GLIS3: variants seen among roughly 807,000 people sequenced by gnomAD.
GLIS3 encodes the protein zinc finger protein GLIS3.
A neutral mutation model predicts 78.6 loss-of-function variants in GLIS3; 53 were observed. The ratio of observed to expected loss-of-function variants is 0.67; its 90% CI spans 0.54 to 0.85. The LOEUF (loss-of-function observed/expected upper bound fraction) is 0.85, where lower values mean the gene tolerates loss of function less well. GLIS3 is among the 40% of genes least tolerant of loss of function. The pLI, the probability that GLIS3 is intolerant of heterozygous loss-of-function variation, is 0.00. For synonymous variants in GLIS3, 684 were observed against 509.9 expected, an observed-to-expected ratio of 1.34 and a Z score of -4.60; for missense variants, 1,703 against 1,231.1, an observed-to-expected ratio of 1.38 and a Z score of -5.74.
At chr9:4,059,868 A>AGAGAC (rs1826498130) in intron 4 of GLIS3, among the ~76,000 whole-genome samples, 1 of 102,058 alleles carries the variant, frequency 9.8e-6, no homozygotes, top group African/African-American at 3.8e-5. Context: ...GAGAGAGAGA[A>AGAGAC]AGAGAGAGAC....
chr9:4,010,513 A>C (rs72685692), intron 4 of GLIS3, among the ~76,000 whole-genome samples: 20,669 of 152,020 alleles, frequency 0.14, 1,498 homozygotes, highest in East Asian at 0.18. Context: ...CTGTGTACAA[A>C]TTGGAAAGCA....
At chr9:3,905,270 A>AC (rs1218991226) in intron 6 of GLIS3, among the ~76,000 whole-genome samples, 1 of 150,202 alleles carries the variant, frequency 6.7e-6, no homozygotes, top group Non-Finnish European at 1.5e-5. Flanking sequence ...GATTACAGGC[A>AC]TGAGCCACTG....
chr9:4,385,745 GAA>G, the GLIS3 span, among the ~76,000 whole-genome samples: 722 of 31,328 alleles, frequency 0.023, 115 homozygotes, highest in East Asian at 0.15. Context: ...GAAAAAGAAA[GAA>G]AGAAAGAAAG....
chr9:4,090,747 A>C (rs2755088), intron 4 of GLIS3, among the ~76,000 whole-genome samples: 1 of 152,234 alleles, frequency 6.6e-6, no homozygotes, highest in African/African-American at 2.4e-5. Flanking sequence ...AAGAAGAGAT[A>C]AGCTTAAGCA....
chr9:4,356,743 A>T, the GLIS3 span, among the ~76,000 whole-genome samples: 3 of 152,222 alleles, frequency 2.0e-5, no homozygotes, highest in South Asian at 2.1e-4. Context: ...ATCAACAATG[A>T]ATTTGGAATT....
chr9:4,365,135 C>G, the GLIS3 span, among the ~76,000 whole-genome samples: 2 of 151,912 alleles, frequency 1.3e-5, no homozygotes, highest in East Asian at 1.9e-4. Flanking sequence ...GAAAACAGTA[C>G]TTCCAGTTTC....
At chr9:4,178,374 T>C (rs1351736970) in intron 2 of GLIS3, among the ~76,000 whole-genome samples, 1 of 152,162 alleles carries the variant, frequency 6.6e-6, no homozygotes. Context: ...ATATGACCTA[T>C]GATCACTTAT....
chr9:3,869,128 G>A lies in GLIS3; in HGVS notation c.2297+10299C>T, dbSNP rs184693486. ...TACTGCCTGGTATATAAACACCAGC[G>A]AAAGACAATAAACAAAACAACAGTA... On this transcript the variant is annotated intron_variant, in intron 8 of 10. Coordinates refer to ENST00000381971, the MANE Select transcript of GLIS3 (RefSeq NM_001042413.2). Among the ~76,000 whole-genome samples, 777 of 152,264 alleles carry A rather than the reference G, an allele frequency of 5.1e-3. 8 individuals are homozygous for A. Among genetic ancestry groups the A allele is most frequent in the African/African-American group, 0.017 (703 of 41,540 alleles).
intron 2 of GLIS3, among the ~76,000 whole-genome samples, chr9:4,218,527 C>T (rs1265783907): frequency 1.3e-5 from 2 of 152,192 alleles, no homozygotes; most frequent in Non-Finnish European, 2.9e-5. Flanking sequence ...ATCTGCCTGC[C>T]TTGGCCTCCC....
chr9:4,221,245 A>G (rs2131331753), intron 2 of GLIS3, among the ~76,000 whole-genome samples: 1 of 152,272 alleles, frequency 6.6e-6, no homozygotes, highest in Middle Eastern at 3.4e-3. Flanking sequence ...AATGAGGTAA[A>G]ATGTTAAAAT....
At chr9:4,475,214 T>C in the GLIS3 span, among the ~76,000 whole-genome samples, 1 of 152,082 alleles carries the variant, frequency 6.6e-6, no homozygotes, top group African/African-American at 2.4e-5. Flanking sequence ...GAAAGGGTAT[T>C]TGAAATACAT....
At chr9:4,295,587 C>A (rs769335477) in intron 1 of GLIS3, among the ~76,000 whole-genome samples, 12 of 152,146 alleles carry the variant, frequency 7.9e-5, no homozygotes, top group Non-Finnish European at 1.3e-4. Flanking sequence ...ACTAATATAT[C>A]TGTTAGAAAC....
At chr9:4,097,870 C>G (rs1298686999) in intron 4 of GLIS3, among the ~76,000 whole-genome samples, 1 of 152,082 alleles carries the variant, frequency 6.6e-6, no homozygotes, top group Non-Finnish European at 1.5e-5. Context: ...ACAAAAAAAC[C>G]CCACAAAACA....
chr9:3,907,946 G>A (rs1402078957), intron 6 of GLIS3, among the ~76,000 whole-genome samples: 1 of 152,186 alleles, frequency 6.6e-6, no homozygotes, highest in Admixed American at 6.5e-5. Context: ...ATGCTCTGAT[G>A]AGATTCATTC....
rs114754621 is a variant in GLIS3, at chr9:3,930,118, C to T, written c.1983+2242G>A. 8.2e-3 allele frequency among the ~76,000 whole-genome samples: 1,241 copies of T among 152,238 alleles called. 19 individuals carry two copies. The highest frequency in any genetic ancestry group is 0.028 in the African/African-American group (1,174 of 41,538). ...GAGCAACTTGCATCATTTTAACTTCCGCAAATTAATCCATCATGGATTCAT... is the reference window on the plus strand; with the variant it reads ...GAGCAACTTGCATCATTTTAACTTCTGCAAATTAATCCATCATGGATTCAT... On this transcript the variant is annotated intron_variant, in intron 6 of 10. Coordinates refer to ENST00000381971, the MANE Select transcript of GLIS3 (RefSeq NM_001042413.2).
chr9:4,183,957 T>C (rs1817555585), intron 2 of GLIS3, among the ~76,000 whole-genome samples: 1 of 152,234 alleles, frequency 6.6e-6, no homozygotes, highest in South Asian at 2.1e-4. Flanking sequence ...AAATTAGCTG[T>C]ACTTGCAATT....
chr9:3,872,197 T>TA (rs1477418068), intron 8 of GLIS3, among the ~76,000 whole-genome samples: 1 of 152,228 alleles, frequency 6.6e-6, no homozygotes, highest in African/African-American at 2.4e-5. Flanking sequence ...TCCGTATCTC[T>TA]ATCAGCATTT....
At chr9:4,327,051 TCTC>T (rs1817611200) in intron 2 of GLIS3, among the ~76,000 whole-genome samples, 1 of 152,112 alleles carries the variant, frequency 6.6e-6, no homozygotes, top group Non-Finnish European at 1.5e-5. Context: ...AAACAAGTAA[TCTC>T]ATAAATGGAG....
At chr9:4,383,298 C>G in the GLIS3 span, among the ~76,000 whole-genome samples, 1 of 152,212 alleles carries the variant, frequency 6.6e-6, no homozygotes, top group African/African-American at 2.4e-5. Context: ...TTTTTATTCA[C>G]CTTTTACAAT....
Sources: allele counts gnomAD v4.1 joint callset (sites outside exome capture counted in the v4.1 genomes callset), GRCh38; gene constraint gnomAD v4.1.1; transcripts MANE v1.5; gene names NCBI Gene and HGNC (gene_info 2026-07-23, HGNC 2026-07-21).